F7: variants seen among roughly 807,000 people sequenced by gnomAD.
The protein encoded by F7 is FVII coagulation protein.
F7 carries 38 observed loss-of-function variants against 47.5 expected under a neutral mutation model. That is an observed-to-expected ratio of 0.80 (90% CI 0.62 to 1.05). The LOEUF is 1.05. Ranked by LOEUF, F7 falls within the 50% of genes least tolerant of loss-of-function variation. The pLI, the probability that F7 is intolerant of heterozygous loss-of-function variation, is 0.00. For synonymous variants in F7, 244 were observed against 258.5 expected, an observed-to-expected ratio of 0.94 and a Z score of 0.54; for missense variants, 575 against 605.4, an observed-to-expected ratio of 0.95 and a Z score of 0.53.
In F7 at chr13:113,115,781, G is replaced by T. The variant is rs1343687295; in HGVS notation, c.486G>T (p.Gly162=). The change falls in exon 5 of 8, where the codon GGG becomes GGT. Residue 162 remains glycine, a synonymous_variant. Coordinates refer to ENST00000346342, the MANE Select transcript of F7 (RefSeq NM_019616.4). ...AGGGGTACTCTCTGCTGGCAGACGG[G>T]GTGTCCTGCACACCCACAGGTGACC... The part of the protein sequence containing the change: ...CHEGYSLLAD[G]VSCTPTVEYP... 6.2e-7 allele frequency: 1 copy of T among 1,613,258 alleles called. No homozygotes were observed. The highest frequency in any genetic ancestry group is 2.2e-5 in the East Asian group (1 of 44,878).
rs2036142321 is a variant in F7 at position 113,113,572 on chromosome 13, G to A, written c.226-180G>A. 6.6e-6 allele frequency among the ~76,000 whole-genome samples: 1 copy of A among 152,170 alleles called. No individual in the cohort carries two copies. The highest frequency in any genetic ancestry group is 2.4e-5 in the African/African-American group (1 of 41,446). On this transcript the variant is annotated intron_variant, in intron 2 of 7. Coordinates refer to ENST00000346342, the MANE Select transcript of F7 (RefSeq NM_019616.4). The surrounding 1 kb of genome is among the most constrained non-coding windows in gnomAD (Gnocchi z 4.1). ...GTCACCCATAGTTCCAGATGTCCTGGGGAGGGGCCAAGATTAGAAGAAACC... is the reference window on the plus strand; with the variant it reads ...GTCACCCATAGTTCCAGATGTCCTGAGGAGGGGCCAAGATTAGAAGAAACC...
In F7 at chr13:113,119,094, T is replaced by C. The variant is rs2036254787; in HGVS notation, c.*86T>C. The C allele has an allele frequency of 1.7e-5, 14 of 832,050 alleles. No homozygotes were observed. The highest frequency in any genetic ancestry group is 2.5e-5 in the Non-Finnish European group (14 of 553,614). 51.5% of individuals were successfully genotyped at this position (832,050 alleles called of 1,614,324 possible). ...ATCCCATATATTCTTCTGCAGTTAA[T>C]GGGGTAGAGGAGGGCATGGGAGGGA... On this transcript the variant is annotated 3_prime_UTR_variant, in exon 8 of 8. Coordinates refer to ENST00000346342, the MANE Select transcript of F7 (RefSeq NM_019616.4).
intron 7 of F7, among the ~76,000 whole-genome samples, chr13:113,118,108 A>G (rs2036228968): frequency 6.6e-6 from 1 of 152,162 alleles, no homozygotes; most frequent in Admixed American, 6.5e-5. Context: ...CAGGAGGGCC[A>G]CTGGGCCGGG....
Position 113,117,590 on chromosome 13 carries a change from G to A in F7, c.733G>A (p.Val245Met), listed in dbSNP as rs2036216455. Residue 245 changes from valine to methionine, a missense_variant, in exon 7 of 8, where the codon GTG becomes ATG. By Grantham distance (21) the Val-to-Met change is conservative (BLOSUM62 1). Coordinates refer to ENST00000346342, the MANE Select transcript of F7 (RefSeq NM_019616.4). Reference protein sequence around the residue: ...KIKNWRNLIAVLGEHDLSEHD... With the variant: ...KIKNWRNLIAMLGEHDLSEHD... ...CAAGAACTGGAGGAACCTGATCGCG[G>A]TGCTGGGTGGGTACCACTCTCCCCT... 2 of 1,602,654 alleles carry A rather than the reference G, an allele frequency of 1.2e-6. No homozygotes were observed. Among genetic ancestry groups the A allele is most frequent in the South Asian group, 1.1e-5 (1 of 90,930 alleles).
intron 7 of F7, 33 bp from the exon 8 acceptor site, chr13:113,118,380 G>A: frequency 1.3e-6 from 2 of 1,566,044 alleles, no homozygotes; most frequent in Non-Finnish European, 1.7e-6. Flanking sequence ...GGCAGGTGGT[G>A]GAAAGGGCCT....
chr13:113,117,337 A>G, intron 6 of F7, 136 bp from the exon 7 acceptor site: 1 of 1,401,228 alleles, frequency 7.1e-7, no homozygotes, highest in South Asian at 1.3e-5. Flanking sequence ...TTTGCCTGGG[A>G]GGGATCTGCA....
At chr13:113,114,089 C>T in intron 4 of F7, 129 bp downstream of exon 4, 1 of 975,288 alleles carries the variant, frequency 1.0e-6, no homozygotes, top group East Asian at 2.6e-5. Context: ...GGCTCAGCCC[C>T]AGTTGGAAAT....
At chr13:113,110,974 G>A in intron 2 of F7, 124 bp downstream of exon 2, 1 of 1,174,838 alleles carries the variant, frequency 8.5e-7, no homozygotes, top group Non-Finnish European at 1.1e-6. Flanking sequence ...CGGCGCCCGC[G>A]CGGCGCTTTC....
chr13:113,119,090 T>C lies in F7; in HGVS notation c.*82T>C, dbSNP rs368359845. 1.5e-3 allele frequency: 2,044 copies of C among 1,319,922 alleles called. 55 individuals are homozygous for C. In the South Asian group the frequency reaches 0.024, roughly 16 times the overall value. The allele number at this position is 1,319,922 out of a possible 1,614,324, so 81.8% of individuals were successfully genotyped here. On this transcript the variant is annotated 3_prime_UTR_variant, in exon 8 of 8. Transcript: ENST00000346342. ...CCAAATCCCATATATTCTTCTGCAG[T>C]TAATGGGGTAGAGGAGGGCATGGGA... is the stretch of plus-strand genomic sequence containing the variant.
At position 113,113,798 on chromosome 13, in the gene F7, G is replaced by A; in HGVS notation, c.250+22G>A. ...AGTGGTGAGTGGATGATCACCACCAGTCCTGCCTGCAACCCTTCTCAGCTT... is the reference window on the plus strand; with the variant it reads ...AGTGGTGAGTGGATGATCACCACCAATCCTGCCTGCAACCCTTCTCAGCTT... On this transcript the variant is annotated intron_variant, in intron 3 of 7. Coordinates refer to ENST00000346342, the MANE Select transcript of F7 (RefSeq NM_019616.4). The surrounding 1 kb of genome is among the most constrained non-coding windows in gnomAD (Gnocchi z 4.1). The A allele has an allele frequency of 6.2e-7, 1 of 1,614,212 alleles. No homozygotes were observed. The highest frequency in any genetic ancestry group is 8.5e-7 in the Non-Finnish European group (1 of 1,180,048).
intron 1 of F7, chr13:113,106,887 C>A (rs765322703): frequency 1.9e-6 from 3 of 1,606,562 alleles, no homozygotes; most frequent in East Asian, 2.2e-5. Context: ...CGGGACATGC[C>A]GTGGAAGCCG....
chr13:113,110,972 G>A (rs752327350), intron 2 of F7, 122 bp downstream of exon 2: 267 of 1,183,098 alleles, frequency 2.3e-4, no homozygotes, highest in Non-Finnish European at 2.9e-4. Flanking sequence ...AGCGGCGCCC[G>A]CGCGGCGCTT....
At chr13:113,112,117 C>T (rs1365926587) in intron 2 of F7, among the ~76,000 whole-genome samples, 1 of 141,902 alleles carries the variant, frequency 7.0e-6, no homozygotes, top group Non-Finnish European at 1.5e-5. Flanking sequence ...CAGAGGTCAC[C>T]TCACACGGGG....
chr13:113,109,453 C>T (rs977879857), intron 1 of F7, among the ~76,000 whole-genome samples: 4 of 152,154 alleles, frequency 2.6e-5, no homozygotes, highest in African/African-American at 9.7e-5. Context: ...ACGTGTGAAA[C>T]TGATTTTAAA....
intron 1 of F7, among the ~76,000 whole-genome samples, chr13:113,106,560 G>A (rs2035960802): frequency 2.5e-3 from 1 of 404 alleles, no homozygotes; most frequent in Admixed American, 0.02. Context: ...TGTCGGGGAT[G>A]GGGCATGTGG....
In F7 at chr13:113,110,648, C is replaced by T. The variant is rs1326987209; in HGVS notation, c.65-42C>T. Reference sequence around the variant, plus strand: ...GTGGGGCGGTCTCCGAGGCACTGGGCGGGGCACGCGGTGGGCGCTTCACGG... The same window carrying T: ...GTGGGGCGGTCTCCGAGGCACTGGGTGGGGCACGCGGTGGGCGCTTCACGG... On this transcript the variant is annotated intron_variant, in intron 1 of 7. Transcript: ENST00000346342. The T allele has an allele frequency of 2.6e-6, 4 of 1,546,656 alleles. No individual in the cohort carries two copies. In the African/African-American group the frequency reaches 4.1e-5, roughly 16 times the overall value.
In F7 at chr13:113,119,162, C is replaced by A. The variant is rs367914219; in HGVS notation, c.*154C>A. 1.5e-6 allele frequency: 1 copy of A among 668,052 alleles called. No homozygotes were observed. The highest frequency in any genetic ancestry group is 2.6e-6 in the Non-Finnish European group (1 of 386,780). 41.4% of individuals were successfully genotyped at this position (668,052 alleles called of 1,614,324 possible). A position where few individuals can be genotyped will look rare whatever the true frequency, so the allele number is the denominator to read the frequency against. ...AGACAGAGACAGAAACAGAGAGAGACAGAGACAGAGAGAGACTGAGGGAGA... is the reference window on the plus strand; with the variant it reads ...AGACAGAGACAGAAACAGAGAGAGAAAGAGACAGAGAGAGACTGAGGGAGA... On this transcript the variant is annotated 3_prime_UTR_variant, in exon 8 of 8. Transcript: ENST00000346342.
chr13:113,110,650 G>A, intron 1 of F7, 40 bp from the exon 2 acceptor site: 1 of 1,547,346 alleles, frequency 6.5e-7, no homozygotes, highest in Non-Finnish European at 8.7e-7. Flanking sequence ...GCACTGGGCG[G>A]GGCACGCGGT....
chr13:113,118,544 G>T lies in F7; in HGVS notation c.871G>T (p.Val291Phe), dbSNP rs766437715. The T allele has an allele frequency of 6.2e-7, 1 of 1,612,486 alleles. No individual in the cohort carries two copies. Among genetic ancestry groups the T allele is most frequent in the South Asian group, 1.1e-5 (1 of 91,082 alleles). The part of the protein sequence containing the change: ...IALLRLHQPV[V>F]LTDHVVPLCL... ...GCTGCTCCGCCTGCACCAGCCCGTG[G>T]TCCTCACTGACCATGTGGTGCCCCT... The change falls in exon 8 of 8, where the codon GTC becomes TTC. Residue 291 changes from valine (V) to phenylalanine (F), a missense_variant. Val to Phe is a conservative substitution (Grantham distance 50, BLOSUM62 -1). Coordinates refer to ENST00000346342, the MANE Select transcript of F7 (RefSeq NM_019616.4).
Sources: allele counts gnomAD v4.1 joint callset (sites outside exome capture counted in the v4.1 genomes callset), GRCh38; gene constraint gnomAD v4.1.1; non-coding constraint Gnocchi (gnomAD v3.1); transcripts MANE v1.5; gene names NCBI Gene and HGNC (gene_info 2026-07-23, HGNC 2026-07-21).